Variants in TCF12 observed in about 807,000 individuals in gnomAD.
TCF12 encodes the protein transcription factor 12, also known as DNA-binding protein HTF4.
Under a neutral mutation model 86.0 loss-of-function variants are expected in TCF12, and 45 were observed. That is an observed-to-expected ratio of 0.52 (90% CI 0.41 to 0.67). The LOEUF is 0.67. Ranked by LOEUF, TCF12 falls within the 30% of genes least tolerant of loss-of-function variation. The probability of loss-of-function intolerance (pLI) is 0.00; values close to 1 mark genes in which losing one functional copy is unlikely to be tolerated. For synonymous variants in TCF12, 330 were observed against 299.6 expected, an observed-to-expected ratio of 1.10 and a Z score of -1.05; for missense variants, 881 against 859.9, an observed-to-expected ratio of 1.02 and a Z score of -0.31.
chr15:57,192,411 C>T, intron 7 of TCF12, 118 bp downstream of exon 7: 1 of 1,383,560 alleles, frequency 7.2e-7, no homozygotes, highest in East Asian at 2.3e-5. Context: ...TTGTTTAAGA[C>T]AGCGTCTCAC....
chr15:57,218,255 A>G (rs953915937), intron 8 of TCF12, among the ~76,000 whole-genome samples: 1 of 152,184 alleles, frequency 6.6e-6, no homozygotes, highest in Non-Finnish European at 1.5e-5. Context: ...TCTGATTAAT[A>G]CAATCCCGTT....
chr15:57,125,858 T>C (rs1596667255), intron 5 of TCF12, among the ~76,000 whole-genome samples: 1 of 152,236 alleles, frequency 6.6e-6, no homozygotes, highest in African/African-American at 2.4e-5. Flanking sequence ...TAGAAAGATA[T>C]TAAATCAACT....
At chr15:57,178,897 A>T (rs551669755) in intron 6 of TCF12, among the ~76,000 whole-genome samples, 1 of 152,206 alleles carries the variant, frequency 6.6e-6, no homozygotes, top group Non-Finnish European at 1.5e-5. Context: ...CAAATATTGC[A>T]TATATTAAAA....
chr15:57,134,122 G>T (rs143330358), intron 5 of TCF12, among the ~76,000 whole-genome samples: 69 of 152,214 alleles, frequency 4.5e-4, no homozygotes, highest in African/African-American at 1.5e-3. Context: ...TTTTTTAAAA[G>T]ATTCTATAGT....
chr15:57,162,792 A>G (rs1412919144), intron 5 of TCF12, among the ~76,000 whole-genome samples: 4 of 152,190 alleles, frequency 2.6e-5, no homozygotes, highest in African/African-American at 9.7e-5. Context: ...AACAGAGCTA[A>G]TATTCACCTT....
chr15:57,280,593 G>A (rs1257348974), intron 19 of TCF12, among the ~76,000 whole-genome samples: 1 of 152,086 alleles, frequency 6.6e-6, no homozygotes. Context: ...AGGGGAATCC[G>A]GCACAGTGGC....
At chr15:57,234,869 G>A (rs1201069713) in intron 12 of TCF12, among the ~76,000 whole-genome samples, 1 of 152,040 alleles carries the variant, frequency 6.6e-6, no homozygotes, top group African/African-American at 2.4e-5. Context: ...CTTGTTTTCT[G>A]AGTAGTATGC....
At position 56,992,156 on chromosome 15, in the gene TCF12, A is replaced by G. The variant is rs940696188; in HGVS notation, c.148+71058A>G. The stretch of plus-strand genomic sequence containing the variant: ...CATGGTGATGTATGCTTCTGGTCCC[A>G]CTTACTCAGGAGGCTGAGGTGGGAG... On this transcript the variant is annotated intron_variant, in intron 3 of 20. Transcript: ENST00000333725. Among the ~76,000 whole-genome samples, 31 of 151,934 alleles carry G rather than the reference A, an allele frequency of 2.0e-4. 1 individual carries two copies. The highest frequency in any genetic ancestry group is 1.4e-3 in the Admixed American group (21 of 15,264).
At chr15:57,175,055 T>A (rs141203014) in intron 6 of TCF12, among the ~76,000 whole-genome samples, 218 of 152,278 alleles carry the variant, frequency 1.4e-3, no homozygotes, top group South Asian at 3.5e-3. Context: ...AGTCCAGTAT[T>A]TGCAAAACAT....
chr15:57,092,841 G>A (rs538792389), intron 5 of TCF12, among the ~76,000 whole-genome samples: 2 of 152,188 alleles, frequency 1.3e-5, no homozygotes, highest in South Asian at 2.1e-4. Flanking sequence ...CCTATATTGT[G>A]ATCTTAGAAT....
Position 57,263,217 on chromosome 15 carries a change from A to G in TCF12, c.1688A>G (p.Lys563Arg). 6.2e-7 allele frequency: 1 copy of G among 1,612,866 alleles called. No homozygotes were observed. The highest frequency in any genetic ancestry group is 1.1e-5 in the South Asian group (1 of 90,766). ...GAACCTCCTTCATCAGATGACATGA[A>G]GTCAGATGATGAATCCTCCCAAAAA... ...LHEPPSSDDM[K>R]SDDESSQKDI... Residue 563 changes from lysine (K) to arginine (R), a missense_variant, in exon 18 of 21, where the codon AAG becomes AGG. Physicochemically the swap from Lys to Arg is conservative, Grantham distance 26. Around this residue, in one of 3 missense-constraint regions of TCF12, gnomAD observed 766 missense variants for 718.9 expected, o/e 1.07. Transcript: ENST00000333725.
chr15:57,260,553 G>T lies in TCF12; in HGVS notation c.1468-1541G>T, dbSNP rs552610308. On this transcript the variant is annotated intron_variant, in intron 16 of 20. Transcript: ENST00000333725. The stretch of plus-strand genomic sequence containing the variant: ...ACAGAATTAGTATATATTGCCAGGG[G>T]TCATAGAAGTTTTAAGTCCACATTA... Among the ~76,000 whole-genome samples, 8 of 152,194 alleles carry T rather than the reference G, an allele frequency of 5.3e-5. No individual in the cohort carries two copies. In the South Asian group the frequency reaches 1.5e-3, roughly 28 times the overall value.
chr15:57,157,952 C>G (rs1230990812), intron 5 of TCF12, among the ~76,000 whole-genome samples: 2 of 152,078 alleles, frequency 1.3e-5, no homozygotes, highest in Non-Finnish European at 2.9e-5. Context: ...TACTACCCAC[C>G]CACCTCACCC....
chr15:57,035,046 G>GT (rs1596234896), intron 3 of TCF12, among the ~76,000 whole-genome samples: 1 of 152,130 alleles, frequency 6.6e-6, no homozygotes, highest in East Asian at 1.9e-4. Context: ...AGAAACTAAT[G>GT]TTAATAATAT....
Position 57,182,807 on chromosome 15 carries a change from A to G in TCF12, c.391-9351A>G, listed in dbSNP as rs186911597. Reference sequence around the variant, plus strand: ...TTTGTTCTCCTTTTTTTCTTTCTTTACTATTGCATAGATAAAAAATCTGCC... The same window carrying G: ...TTTGTTCTCCTTTTTTTCTTTCTTTGCTATTGCATAGATAAAAAATCTGCC... On this transcript the variant is annotated intron_variant, in intron 6 of 20. Transcript: ENST00000333725. Among the ~76,000 whole-genome samples the G allele has an allele frequency of 5.9e-5, 9 of 152,088 alleles. No individual in the cohort carries two copies. The East Asian group carries it at 1.7e-3, about 29-fold the overall frequency.
chr15:57,124,371 G>T (rs1173907970), intron 5 of TCF12, among the ~76,000 whole-genome samples: 1 of 152,162 alleles, frequency 6.6e-6, no homozygotes, highest in African/African-American at 2.4e-5. Context: ...GACTGGCTAG[G>T]GAATTTGGGA....
At position 57,037,915 on chromosome 15, in the gene TCF12, G is replaced by A. The variant is rs1259730633; in HGVS notation, c.149-25835G>A. Among the ~76,000 whole-genome samples the A allele has an allele frequency of 9.2e-5, 14 of 152,116 alleles. 1 individual carries two copies. The highest frequency in any genetic ancestry group is 7.9e-4 in the Admixed American group (12 of 15,278). On this transcript the variant is annotated intron_variant, in intron 3 of 20. Coordinates refer to ENST00000333725, the MANE Select transcript of TCF12 (RefSeq NM_207037.2). ...GAACCAAATCATAGGATATTATCAC[G>A]TTCAGCACTGTAAAGTGAAATAAGC...
intron 3 of TCF12, among the ~76,000 whole-genome samples, chr15:57,013,436 A>G (rs1447884245): frequency 6.6e-6 from 1 of 152,158 alleles, no homozygotes; most frequent in Non-Finnish European, 1.5e-5. Flanking sequence ...TCAGCCTCCC[A>G]AGTGGCTGAG....
chr15:57,222,221 T>C (rs1240876004), intron 8 of TCF12, among the ~76,000 whole-genome samples: 2 of 144,224 alleles, frequency 1.4e-5, no homozygotes, highest in East Asian at 4.0e-4. Flanking sequence ...CTTTCCCTTT[T>C]TTCCAGTTTT....
Sources: gnomAD v4.1 joint callset for allele counts (sites outside exome capture counted in the v4.1 genomes callset) on GRCh38, gnomAD v4.1.1 for gene constraint, gnomAD v4.1.1 regional missense constraint, MANE v1.5 for transcripts, NCBI Gene and HGNC (gene_info 2026-07-23, HGNC 2026-07-21) for gene names.